The following RIMBP2 variants were observed in gnomAD, a reference collection of about 807,000 sequenced individuals.
RIMBP2 encodes RIMS-binding protein 2.
A neutral mutation model predicts 118.6 loss-of-function variants in RIMBP2; 48 were observed. That is an observed-to-expected ratio of 0.40 (90% CI 0.32 to 0.51). The LOEUF is 0.51. Among genes scored for constraint, RIMBP2 ranks in the 20% least tolerant of loss-of-function variants. The pLI, the probability that RIMBP2 is intolerant of heterozygous loss-of-function variation, is 0.41. For missense variants in RIMBP2, 1,551 were observed against 1,768.3 expected (o/e 0.88, Z 2.20); for synonymous variants, 762 against 742.9 (o/e 1.03, Z -0.42).
chr12:130,429,597 A>G (rs12321985), intron 14 of RIMBP2: 94,578 of 152,064 alleles, frequency 0.62, 31,099 homozygotes, highest in Non-Finnish European at 0.75. Flanking sequence ...TATTTTGCGG[A>G]GGTGTGGCAA....
chr12:130,488,281 G>A lies in RIMBP2; in HGVS notation c.-3-9265C>T, dbSNP rs370009852. On this transcript the variant is annotated intron_variant, in intron 4 of 22. Coordinates refer to ENST00000690449, the MANE Select transcript of RIMBP2 (RefSeq NM_001393629.1). ...CAGCTATAATAAAACATCTCTCGGA[G>A]ATGGGCTTTGAGACTGATGAGGGTA... Among the ~76,000 whole-genome samples the A allele has an allele frequency of 6.6e-5, 10 of 151,682 alleles. No individual in the cohort carries two copies. In the East Asian group the frequency reaches 9.8e-4, roughly 15 times the overall value.
intron 1 of RIMBP2, among the ~76,000 whole-genome samples, chr12:130,675,886 A>T (rs895843697): frequency 2.0e-5 from 3 of 152,228 alleles, no homozygotes; most frequent in African/African-American, 7.2e-5. Flanking sequence ...TAGACCTCGC[A>T]TGCTGCAATT....
chr12:130,498,645 A>G (rs1220852444), intron 4 of RIMBP2, among the ~76,000 whole-genome samples: 2 of 151,632 alleles, frequency 1.3e-5, no homozygotes, highest in African/African-American at 4.8e-5. Flanking sequence ...AAAAAAAAAA[A>G]AAAAAACACT....
intron 2 of RIMBP2, among the ~76,000 whole-genome samples, chr12:130,563,472 C>T (rs1721024146): frequency 6.6e-6 from 1 of 152,212 alleles, no homozygotes; most frequent in Admixed American, 6.5e-5. Flanking sequence ...GATTCTTCTA[C>T]AATTATTAAG....
chr12:130,438,909 G>A (rs1001877368), intron 11 of RIMBP2, among the ~76,000 whole-genome samples: 5 of 152,062 alleles, frequency 3.3e-5, no homozygotes, highest in African/African-American at 4.8e-5. Flanking sequence ...ACGAGACGCC[G>A]GCGTTTGGCA....
At chr12:130,696,965 G>A (rs1038075011) in intron 1 of RIMBP2, among the ~76,000 whole-genome samples, 3 of 152,170 alleles carry the variant, frequency 2.0e-5, no homozygotes, top group African/African-American at 2.4e-5. Flanking sequence ...AGAGGTGAAC[G>A]GGGGCTGTAA....
At chr12:130,590,183 C>T (rs902938629) in intron 2 of RIMBP2, among the ~76,000 whole-genome samples, 3 of 152,178 alleles carry the variant, frequency 2.0e-5, no homozygotes, top group South Asian at 2.1e-4. Context: ...CAATGCCAAG[C>T]GGTCTCCCCA....
intron 1 of RIMBP2, among the ~76,000 whole-genome samples, chr12:130,675,506 A>C (rs1311691633): frequency 6.6e-6 from 1 of 151,900 alleles, no homozygotes; most frequent in Non-Finnish European, 1.5e-5. Flanking sequence ...TGCAATGCCC[A>C]GGCCTCCTTC....
intron 4 of RIMBP2, among the ~76,000 whole-genome samples, chr12:130,499,771 G>A (rs575618537): frequency 1.3e-5 from 2 of 152,138 alleles, no homozygotes; most frequent in East Asian, 1.9e-4. Flanking sequence ...ATCACTCTTC[G>A]CCTCTTTTCA....
At chr12:130,409,672 T>A (rs1475970862) in intron 19 of RIMBP2, among the ~76,000 whole-genome samples, 1 of 152,102 alleles carries the variant, frequency 6.6e-6, no homozygotes, top group Non-Finnish European at 1.5e-5. Flanking sequence ...CAGGCTTCTT[T>A]CATCTGGATG....
chr12:130,621,711 G>A lies in RIMBP2; in HGVS notation c.-217+6611C>T, dbSNP rs1594074859. On this transcript the variant is annotated intron_variant, in intron 2 of 22. Coordinates refer to ENST00000690449, the MANE Select transcript of RIMBP2 (RefSeq NM_001393629.1). The surrounding 1 kb of genome is among the most constrained non-coding windows in gnomAD (Gnocchi z 6.6). ...GGCCCGAGTTTACCAAGAGACACGAGTGAAATGGATGATACCGAGACCTGG... is the reference window on the plus strand; with the variant it reads ...GGCCCGAGTTTACCAAGAGACACGAATGAAATGGATGATACCGAGACCTGG... Among the ~76,000 whole-genome samples the A allele has an allele frequency of 2.0e-5, 3 of 152,206 alleles. No individual in the cohort carries two copies. In the East Asian group the frequency reaches 5.8e-4, roughly 29 times the overall value.
At chr12:130,506,600 G>A (rs1005563559) in intron 4 of RIMBP2, 48 bp downstream of exon 4, 91 of 985,146 alleles carry the variant, frequency 9.2e-5, no homozygotes, top group Middle Eastern at 5.2e-4. Context: ...TCCTCACACC[G>A]ACCTCACAAA....
At chr12:130,673,227 G>A (rs1301503145) in intron 1 of RIMBP2, among the ~76,000 whole-genome samples, 2 of 152,230 alleles carry the variant, frequency 1.3e-5, no homozygotes, top group Non-Finnish European at 2.9e-5. Context: ...TGGGTGCCTC[G>A]CCGGACAACT....
chr12:130,646,633 G>C (rs544777482), intron 1 of RIMBP2, among the ~76,000 whole-genome samples: 7 of 152,312 alleles, frequency 4.6e-5, no homozygotes, highest in South Asian at 2.1e-4. Flanking sequence ...TAGAGGTATA[G>C]GGAGCTTCAA....
Position 130,494,435 on chromosome 12 carries a change from T to A in RIMBP2, c.-4+12213A>T, listed in dbSNP as rs551269993. The stretch of plus-strand genomic sequence containing the variant: ...AGGCAGATCACCCGAGGTCAAGAGT[T>A]CGAGACCAGCCTGGCCAACATGCTG... On this transcript the variant is annotated intron_variant, in intron 4 of 22. Transcript: ENST00000690449. Among the ~76,000 whole-genome samples, 14 of 152,126 alleles carry A rather than the reference T, an allele frequency of 9.2e-5. No individual in the cohort carries two copies. The South Asian group carries it at 2.7e-3, about 29-fold the overall frequency.
At chr12:130,462,776 G>A (rs966166134) in intron 6 of RIMBP2, among the ~76,000 whole-genome samples, 4 of 152,234 alleles carry the variant, frequency 2.6e-5, no homozygotes, top group Non-Finnish European at 5.9e-5. Context: ...GGAGCTCACA[G>A]ACCAGGCATG....
At chr12:130,512,105 T>C (rs1204236837) in intron 3 of RIMBP2, among the ~76,000 whole-genome samples, 12 of 152,142 alleles carry the variant, frequency 7.9e-5, no homozygotes, top group Non-Finnish European at 1.6e-4. Context: ...CGATAAATAT[T>C]GGCTCCCACG....
chr12:130,571,603 A>G lies in RIMBP2; in HGVS notation c.-216-53686T>C, dbSNP rs111725273. ...CCCAGCTAATTTTTATATTTTTAAT[A>G]GAGACGGGGTTTTACCATGTTGGCC... On this transcript the variant is annotated intron_variant, in intron 2 of 22. Transcript: ENST00000690449. 1.3e-3 allele frequency among the ~76,000 whole-genome samples: 192 copies of G among 152,170 alleles called. 2 individuals carry two copies. Among genetic ancestry groups the G allele is most frequent in the African/African-American group, 4.3e-3 (177 of 41,510 alleles).
At chr12:130,538,036 C>T (rs1473647181) in intron 2 of RIMBP2, among the ~76,000 whole-genome samples, 1 of 152,038 alleles carries the variant, frequency 6.6e-6, no homozygotes, top group African/African-American at 2.4e-5. Flanking sequence ...AAGCAAAATG[C>T]AGGTCAGTAG....
Sources: allele counts gnomAD v4.1 joint callset (sites outside exome capture counted in the v4.1 genomes callset), GRCh38; gene constraint gnomAD v4.1.1; non-coding constraint Gnocchi (gnomAD v3.1); transcripts MANE v1.5; gene names NCBI Gene and HGNC (gene_info 2026-07-23, HGNC 2026-07-21).